The following CSMD1 variants were observed in gnomAD, a reference collection of about 807,000 sequenced individuals.
CSMD1 encodes CUB and sushi domain-containing protein 1.
In CSMD1, 213 loss-of-function variants were observed where a neutral mutation model predicts 417.5. The observed-to-expected ratio is 0.51, with a 90% CI of 0.46 to 0.57. The LOEUF (loss-of-function observed/expected upper bound fraction) is 0.57, where lower values mean the gene tolerates loss of function less well. CSMD1 is among the 20% of genes least tolerant of loss of function. The probability of loss-of-function intolerance (pLI) is 0.00; values close to 1 mark genes in which losing one functional copy is unlikely to be tolerated. For missense variants in CSMD1, 6,923 were observed against 4,529.7 expected, an observed-to-expected ratio of 1.53 and a Z score of -15.17; for synonymous variants, 2,862 against 1,736.8, an observed-to-expected ratio of 1.65 and a Z score of -16.11.
At chr8:4,480,558 C>T (rs1419207691) in intron 2 of CSMD1, among the ~76,000 whole-genome samples, 1 of 152,198 alleles carries the variant, frequency 6.6e-6, no homozygotes. Context: ...AGCGGAGGTC[C>T]TGTTACTGCA....
chr8:4,697,842 G>A (rs1430470716), intron 1 of CSMD1, among the ~76,000 whole-genome samples: 1 of 152,138 alleles, frequency 6.6e-6, no homozygotes, highest in Admixed American at 6.5e-5. Context: ...TTCAAAATTA[G>A]TAAACTGCTT....
chr8:3,800,907 G>A (rs1345244799), intron 5 of CSMD1, among the ~76,000 whole-genome samples: 1 of 152,002 alleles, frequency 6.6e-6, no homozygotes, highest in Admixed American at 6.6e-5. Flanking sequence ...AACCATGAGT[G>A]AAATAAACCT....
intron 1 of CSMD1, among the ~76,000 whole-genome samples, chr8:4,849,505 A>G (rs1408626848): frequency 6.6e-6 from 1 of 152,130 alleles, no homozygotes; most frequent in Non-Finnish European, 1.5e-5. Context: ...TAACTCACTC[A>G]CCGACTCCTA....
intron 3 of CSMD1, among the ~76,000 whole-genome samples, chr8:4,378,782 A>G (rs1202073727): frequency 1.3e-5 from 2 of 152,180 alleles, no homozygotes; most frequent in African/African-American, 2.4e-5. Flanking sequence ...GAATGGGATT[A>G]CTGCCCTTGT....
intron 52 of CSMD1, among the ~76,000 whole-genome samples, chr8:3,015,842 G>T (rs1377306858): frequency 6.6e-6 from 1 of 152,114 alleles, no homozygotes; most frequent in East Asian, 1.9e-4. Flanking sequence ...TGATAGGCGA[G>T]AGCGTGTCAG....
At chr8:4,706,535 CAAAT>C (rs1807949833) in intron 1 of CSMD1, among the ~76,000 whole-genome samples, 1 of 152,102 alleles carries the variant, frequency 6.6e-6, no homozygotes, top group Non-Finnish European at 1.5e-5. Context: ...ATTTCATAAA[CAAAT>C]ATATTTAACT....
At chr8:3,711,332 G>A (rs772095117) in intron 6 of CSMD1, among the ~76,000 whole-genome samples, 1 of 152,154 alleles carries the variant, frequency 6.6e-6, no homozygotes, top group African/African-American at 2.4e-5. Context: ...GAGGAGGTGG[G>A]CCACCCAGAT....
At chr8:3,921,984 T>TA (rs1342322001) in intron 5 of CSMD1, among the ~76,000 whole-genome samples, 4 of 152,172 alleles carry the variant, frequency 2.6e-5, no homozygotes, top group Non-Finnish European at 1.5e-5. Context: ...AGCAGTGCAT[T>TA]AAAGTTCCAT....
At chr8:4,092,184 G>C (rs946613902) in intron 3 of CSMD1, among the ~76,000 whole-genome samples, 2 of 152,112 alleles carry the variant, frequency 1.3e-5, no homozygotes, top group Non-Finnish European at 2.9e-5. Context: ...AAAATCCATT[G>C]AAATTAATAG....
At chr8:4,223,067 T>C (rs762169904) in intron 3 of CSMD1, among the ~76,000 whole-genome samples, 37 of 152,124 alleles carry the variant, frequency 2.4e-4, no homozygotes, top group Non-Finnish European at 3.2e-4. Context: ...ATTGGAGAGC[T>C]GCCTAAACAG....
chr8:4,429,038 A>C (rs1341808649), intron 2 of CSMD1, among the ~76,000 whole-genome samples: 1 of 152,034 alleles, frequency 6.6e-6, no homozygotes, highest in Non-Finnish European at 1.5e-5. Flanking sequence ...TTTTTTAATA[A>C]GAGTTTTACA....
At chr8:4,172,512 C>T (rs1389129273) in intron 3 of CSMD1, among the ~76,000 whole-genome samples, 1 of 151,842 alleles carries the variant, frequency 6.6e-6, no homozygotes, top group Non-Finnish European at 1.5e-5. Flanking sequence ...GAAGGATCAA[C>T]AATATTCTCT....
intron 3 of CSMD1, among the ~76,000 whole-genome samples, chr8:4,196,723 A>G (rs980135233): frequency 2.0e-5 from 3 of 152,120 alleles, no homozygotes; most frequent in Non-Finnish European, 4.4e-5. Context: ...CCACCAGGGT[A>G]ATTAGGATGG....
chr8:3,799,887 G>C (rs760707436), intron 5 of CSMD1, among the ~76,000 whole-genome samples: 1 of 152,070 alleles, frequency 6.6e-6, no homozygotes, highest in Non-Finnish European at 1.5e-5. Flanking sequence ...TTGCTGACTT[G>C]CTATATAATT....
In CSMD1 at chr8:4,516,757, G is replaced by C. The variant is rs56212626; in HGVS notation, c.303-96692C>G. On this transcript the variant is annotated intron_variant, in intron 2 of 69. Transcript: ENST00000635120. ...GTCTTACTAACAACAAGGTCCCTTTGCATTTGGATCAACTCATGTAAAGTT... is the reference window on the plus strand; with the variant it reads ...GTCTTACTAACAACAAGGTCCCTTTCCATTTGGATCAACTCATGTAAAGTT... 2.3e-3 allele frequency among the ~76,000 whole-genome samples: 355 copies of C among 152,228 alleles called. 4 individuals carry two copies. The highest frequency in any genetic ancestry group is 7.9e-3 in the African/African-American group (330 of 41,524).
intron 3 of CSMD1, among the ~76,000 whole-genome samples, chr8:4,261,229 G>A (rs567945911): frequency 5.9e-5 from 9 of 152,254 alleles, no homozygotes; most frequent in African/African-American, 1.9e-4. Context: ...AGCCATTCCT[G>A]AATCTTGTGT....
At chr8:4,721,652 C>T (rs182331053) in intron 1 of CSMD1, among the ~76,000 whole-genome samples, 1 of 152,102 alleles carries the variant, frequency 6.6e-6, no homozygotes, top group Non-Finnish European at 1.5e-5. Flanking sequence ...TATGGAGGTT[C>T]CTCAAAAAAT....
chr8:4,021,671 T>C (rs1455085726), intron 4 of CSMD1, among the ~76,000 whole-genome samples: 1 of 152,182 alleles, frequency 6.6e-6, no homozygotes. Context: ...TTTTGGCGCA[T>C]ACCTGCGAAA....
intron 5 of CSMD1, among the ~76,000 whole-genome samples, chr8:3,977,453 G>A (rs1460210688): frequency 1.3e-5 from 2 of 152,046 alleles, no homozygotes; most frequent in Non-Finnish European, 2.9e-5. Flanking sequence ...AGTTGTTTTG[G>A]ATGGCATTGG....
Sources: allele counts gnomAD v4.1 joint callset (sites outside exome capture counted in the v4.1 genomes callset), GRCh38; gene constraint gnomAD v4.1.1; transcripts MANE v1.5; gene names NCBI Gene and HGNC (gene_info 2026-07-23, HGNC 2026-07-21).